ZNF652: variants seen among roughly 807,000 people sequenced by gnomAD.
ZNF652 encodes the protein zinc finger protein 652.
Under a neutral mutation model 45.2 loss-of-function variants are expected in ZNF652, and 16 were observed. That is an observed-to-expected ratio of 0.35 (90% CI 0.24 to 0.54). ZNF652 has a LOEUF of 0.54. Among genes scored for constraint, ZNF652 ranks in the 20% least tolerant of loss-of-function variants. The probability of loss-of-function intolerance (pLI) is 0.91; values close to 1 mark genes in which losing one functional copy is unlikely to be tolerated. For missense variants in ZNF652, 614 were observed against 765.6 expected (o/e 0.80, Z 2.34); for synonymous variants, 250 against 260.6 (o/e 0.96, Z 0.39).
chr17:49,326,026 G>A (rs1388145623), intron 1 of ZNF652, among the ~76,000 whole-genome samples: 2 of 151,900 alleles, frequency 1.3e-5, no homozygotes, highest in Admixed American at 1.3e-4. Flanking sequence ...GGGGCTTTTC[G>A]GAAAAGCATA....
intron 1 of ZNF652, among the ~76,000 whole-genome samples, chr17:49,352,944 AT>A (rs1177884121): frequency 6.6e-6 from 1 of 152,190 alleles, no homozygotes; most frequent in Non-Finnish European, 1.5e-5. Flanking sequence ...GTGACAACAG[AT>A]CGATAGTTGC....
intron 5 of ZNF652, among the ~76,000 whole-genome samples, chr17:49,301,547 C>T (rs1008883810): frequency 2.6e-5 from 4 of 152,184 alleles, no homozygotes; most frequent in African/African-American, 7.2e-5. Context: ...ATCCGCCCAC[C>T]TCGGCCTCCC....
intron 1 of ZNF652, among the ~76,000 whole-genome samples, chr17:49,355,834 G>A (rs2070330387): frequency 6.6e-6 from 1 of 151,970 alleles, no homozygotes; most frequent in Non-Finnish European, 1.5e-5. Flanking sequence ...GGAGGCGGAG[G>A]TTGCAGTGAG....
chr17:49,302,055 C>T (rs1192567371), intron 5 of ZNF652, among the ~76,000 whole-genome samples: 5 of 151,940 alleles, frequency 3.3e-5, no homozygotes, highest in African/African-American at 7.3e-5. Flanking sequence ...AGTTTGAGAC[C>T]AGCCTGGGCA....
At chr17:49,305,758 A>C (rs1191897813) in intron 5 of ZNF652, among the ~76,000 whole-genome samples, 1 of 152,032 alleles carries the variant, frequency 6.6e-6, no homozygotes, top group Non-Finnish European at 1.5e-5. Context: ...GCCTGGTATA[A>C]GAAGAATCAG....
intron 1 of ZNF652, among the ~76,000 whole-genome samples, chr17:49,343,945 TC>T (rs1395161852): frequency 6.6e-6 from 1 of 152,074 alleles, no homozygotes; most frequent in Non-Finnish European, 1.5e-5. Context: ...AAGCCTGTAA[TC>T]CCAGCACTTT....
chr17:49,308,490 A>G (rs1358825287), intron 5 of ZNF652, among the ~76,000 whole-genome samples: 3 of 152,056 alleles, frequency 2.0e-5, no homozygotes, highest in Non-Finnish European at 4.4e-5. Flanking sequence ...TATGAATTAC[A>G]CTTTTAATGA....
In ZNF652 at chr17:49,351,015, ACACACACACACACACAC is replaced by A. The variant is rs1567700303; in HGVS notation, c.-259+10877_-259+10893del. Among the ~76,000 whole-genome samples, 203 of 24,378 alleles carry A rather than the reference ACACACACACACACACAC, an allele frequency of 8.3e-3. 1 individual carries two copies. The highest frequency in any genetic ancestry group is 0.014 in the Middle Eastern group (1 of 70). 16.0% of individuals were successfully genotyped at this position (24,378 alleles called of 152,430 possible). A position where few individuals can be genotyped will look rare whatever the true frequency, so the allele number is the denominator to read the frequency against. On this transcript the variant is annotated intron_variant, in intron 1 of 5. Transcript: ENST00000430262. ...TATATATATATATATATATATATATACACACACACACACACACACACACACACACACACACACACATA... is the reference window on the plus strand; with the variant it reads ...TATATATATATATATATATATATATAACACACACACACACACACACACATA...
chr17:49,348,544 A>AAAAT (rs1567699134), intron 1 of ZNF652, among the ~76,000 whole-genome samples: 15 of 115,590 alleles, frequency 1.3e-4, no homozygotes, highest in African/African-American at 5.2e-4. Context: ...GAAAAGAAAA[A>AAAAT]CCCCCGCAAG....
At position 49,340,421 on chromosome 17, in the gene ZNF652, T is replaced by C. The variant is rs565316030; in HGVS notation, c.-259+21488A>G. 7.9e-5 allele frequency among the ~76,000 whole-genome samples: 12 copies of C among 151,894 alleles called. No homozygotes were observed. In the East Asian group the frequency reaches 2.1e-3, roughly 27 times the overall value. ...ATATACAAAAATTAGGTGGGTGTGG[T>C]AGCAAATGCCTGTAATCCCAGCTAC... On this transcript the variant is annotated intron_variant, in intron 1 of 5. Transcript: ENST00000430262.
intron 5 of ZNF652, among the ~76,000 whole-genome samples, chr17:49,307,380 G>A (rs1273918314): frequency 2.8e-5 from 4 of 142,106 alleles, no homozygotes; most frequent in Non-Finnish European, 6.0e-5. Context: ...GCAGTGAACC[G>A]AGATCGGGCC....
At chr17:49,342,743 T>G (rs2070162778) in intron 1 of ZNF652, among the ~76,000 whole-genome samples, 1 of 152,168 alleles carries the variant, frequency 6.6e-6, no homozygotes, top group Non-Finnish European at 1.5e-5. Flanking sequence ...TTTAATGATC[T>G]GCTTGTGAGG....
chr17:49,339,425 A>G (rs772079803), intron 1 of ZNF652, among the ~76,000 whole-genome samples: 8 of 147,900 alleles, frequency 5.4e-5, no homozygotes, highest in Non-Finnish European at 1.2e-4. Flanking sequence ...TACATGTTTT[A>G]TTTTCATGTT....
chr17:49,300,924 G>C (rs2069544081), intron 5 of ZNF652, among the ~76,000 whole-genome samples: 1 of 152,174 alleles, frequency 6.6e-6, no homozygotes, highest in Non-Finnish European at 1.5e-5. Context: ...TGCTAATGGA[G>C]AGTTAGGATT....
Position 49,295,078 on chromosome 17 carries a change from A to T in ZNF652, c.*3335T>A, listed in dbSNP as rs1248693949. The T allele has an allele frequency of 1.3e-5, 2 of 151,348 alleles. No homozygotes were observed. Among genetic ancestry groups the T allele is most frequent in the Non-Finnish European group, 2.9e-5 (2 of 67,908 alleles). The allele number at this position is 151,348 out of a possible 1,614,324, so 9.4% of individuals were successfully genotyped here. ...TAAGGCTTAATCCTGCAGTTCTTCTATTCAGAAGCATTAATGTTGTGAATA... is the reference window on the plus strand; with the variant it reads ...TAAGGCTTAATCCTGCAGTTCTTCTTTTCAGAAGCATTAATGTTGTGAATA... On this transcript the variant is annotated 3_prime_UTR_variant, in exon 6 of 6. Transcript: ENST00000430262.
At chr17:49,306,112 G>A (rs1037578360) in intron 5 of ZNF652, among the ~76,000 whole-genome samples, 7 of 152,174 alleles carry the variant, frequency 4.6e-5, no homozygotes, top group Non-Finnish European at 7.3e-5. Flanking sequence ...TTCTGCTAGT[G>A]ACTGGCAGAG....
rs77147434 is a variant in ZNF652, at chr17:49,349,405, G to GA, written c.-259+12503dup. The stretch of plus-strand genomic sequence containing the variant: ...CAGTGCAAAATTCCATCTCAAAAAA[G>GA]AAAAAAAAACAACAAAACAAATGTA... On this transcript the variant is annotated intron_variant, in intron 1 of 5. Transcript: ENST00000430262. Among the ~76,000 whole-genome samples, 968 of 149,920 alleles carry GA rather than the reference G, an allele frequency of 6.5e-3. 5 individuals carry two copies. Among genetic ancestry groups the GA allele is most frequent in the African/African-American group, 0.021 (852 of 40,902 alleles).
At chr17:49,324,399 A>ATT (rs139716483) in intron 1 of ZNF652, among the ~76,000 whole-genome samples, 7 of 149,664 alleles carry the variant, frequency 4.7e-5, no homozygotes, top group African/African-American at 1.5e-4. Context: ...TTTTTATTTT[A>ATT]TTTTTTTTTT....
chr17:49,345,410 C>T (rs1172866693), intron 1 of ZNF652, among the ~76,000 whole-genome samples: 2 of 151,300 alleles, frequency 1.3e-5, no homozygotes, highest in Non-Finnish European at 2.9e-5. Context: ...ACCATGTTGG[C>T]CAGCTAGTCG....
Sources: allele counts gnomAD v4.1 joint callset (sites outside exome capture counted in the v4.1 genomes callset), GRCh38; gene constraint gnomAD v4.1.1; transcripts MANE v1.5; gene names NCBI Gene and HGNC (gene_info 2026-07-23, HGNC 2026-07-21).